ACVR2A: variants seen among roughly 807,000 people sequenced by gnomAD.
ACVR2A encodes activin A receptor type 2A.
ACVR2A carries 7 observed loss-of-function variants against 61.4 expected under a neutral mutation model. That is an observed-to-expected ratio of 0.11 (90% CI 0.06 to 0.21). The LOEUF (loss-of-function observed/expected upper bound fraction) is 0.21, where lower values mean the gene tolerates loss of function less well. Ranked by LOEUF, ACVR2A falls within the 10% of genes least tolerant of loss-of-function variation. ACVR2A has a pLI of 1.00. For missense variants in ACVR2A, 322 were observed against 621.7 expected, an observed-to-expected ratio of 0.52 and a Z score of 5.13; for synonymous variants, 193 against 208.3, an observed-to-expected ratio of 0.93 and a Z score of 0.63.
rs1048392379 is a variant in ACVR2A at position 147,929,117 on chromosome 2, C to T, written c.*1843C>T. Reference sequence around the variant, plus strand: ...GGGAGGAAAAGAAGAGTAATAGCGTCTGTGTGCTGCAGACCATTCAGAACT... The same window carrying T: ...GGGAGGAAAAGAAGAGTAATAGCGTTTGTGTGCTGCAGACCATTCAGAACT... On this transcript the variant is annotated 3_prime_UTR_variant, in exon 11 of 11. Transcript: ENST00000241416. 6.6e-6 allele frequency: 1 copy of T among 152,368 alleles called. No individual in the cohort carries two copies. The highest frequency in any genetic ancestry group is 6.6e-5 in the Admixed American group (1 of 15,210). The allele number at this position is 152,368 out of a possible 1,614,324, so 9.4% of individuals were successfully genotyped here. A position where few individuals can be genotyped will look rare whatever the true frequency, so the allele number is the denominator to read the frequency against.
chr2:147,878,320 C>T (rs749391603), intron 1 of ACVR2A, among the ~76,000 whole-genome samples: 13 of 152,156 alleles, frequency 8.5e-5, no homozygotes, highest in Non-Finnish European at 1.5e-4. Flanking sequence ...ATTCCTGCTA[C>T]TCTTCTTTTA....
chr2:147,888,717 C>G (rs1400211348), intron 1 of ACVR2A, among the ~76,000 whole-genome samples: 4 of 149,986 alleles, frequency 2.7e-5, no homozygotes, highest in South Asian at 4.2e-4. Context: ...TTCGGAATTC[C>G]TCCGTATACC....
intron 4 of ACVR2A, among the ~76,000 whole-genome samples, chr2:147,906,695 ATTAAC>A (rs1275660635): frequency 6.6e-6 from 1 of 152,164 alleles, no homozygotes; most frequent in African/African-American, 2.4e-5. Context: ...ATACTTTGAA[ATTAAC>A]TTGGTGTAAT....
rs1050087629 is a variant in ACVR2A at position 147,875,065 on chromosome 2, G to A, written c.56-21236G>A. Among the ~76,000 whole-genome samples the A allele has an allele frequency of 7.9e-5, 12 of 151,890 alleles. 1 individual carries two copies. Among genetic ancestry groups the A allele is most frequent in the Middle Eastern group, 3.4e-3 (1 of 294 alleles). On this transcript the variant is annotated intron_variant, in intron 1 of 10. Coordinates refer to ENST00000241416, the MANE Select transcript of ACVR2A (RefSeq NM_001616.5). ...TATTTTACTTGTGTAGAGGCGAAGC[G>A]GGATTATAGACGTTCAAACCAGATG... is the stretch of plus-strand genomic sequence containing the variant.
chr2:147,846,746 C>T (rs1202130090), intron 1 of ACVR2A, among the ~76,000 whole-genome samples: 1 of 152,188 alleles, frequency 6.6e-6, no homozygotes, highest in East Asian at 1.9e-4. Context: ...TGTGACATGA[C>T]TTAACCATGT....
chr2:147,903,263 TC>T (rs1424848607), intron 4 of ACVR2A, among the ~76,000 whole-genome samples: 2 of 151,462 alleles, frequency 1.3e-5, no homozygotes, highest in African/African-American at 4.8e-5. Flanking sequence ...TTTTTTTTTT[TC>T]ATAAGTCCTA....
At chr2:147,849,046 CA>C (rs1456296721) in intron 1 of ACVR2A, among the ~76,000 whole-genome samples, 1 of 152,024 alleles carries the variant, frequency 6.6e-6, no homozygotes, top group East Asian at 1.9e-4. Flanking sequence ...CACATTCTTT[CA>C]TCCTTGATGA....
chr2:147,864,529 C>G (rs919690652), intron 1 of ACVR2A, among the ~76,000 whole-genome samples: 2 of 152,004 alleles, frequency 1.3e-5, no homozygotes, highest in African/African-American at 4.8e-5. Flanking sequence ...CGTTCCTGGC[C>G]TGTTATTGTA....
At chr2:147,923,769 C>T (rs1190978830) in intron 9 of ACVR2A, among the ~76,000 whole-genome samples, 1 of 152,044 alleles carries the variant, frequency 6.6e-6, no homozygotes, top group African/African-American at 2.4e-5. Context: ...AACTTGCCGA[C>T]TGCTAAACTC....
At chr2:147,887,329 TA>T (rs1467939887) in intron 1 of ACVR2A, among the ~76,000 whole-genome samples, 1 of 152,234 alleles carries the variant, frequency 6.6e-6, no homozygotes, top group Non-Finnish European at 1.5e-5. Flanking sequence ...TACATCCAGA[TA>T]TTTTTTGATT....
chr2:147,923,181 C>A, intron 9 of ACVR2A, 70 bp downstream of exon 9: 1 of 1,466,112 alleles, frequency 6.8e-7, no homozygotes, highest in Non-Finnish European at 9.1e-7. Context: ...GGATGATACA[C>A]TCCAAGGTAA....
intron 1 of ACVR2A, among the ~76,000 whole-genome samples, chr2:147,881,028 T>C (rs1007752846): frequency 6.6e-6 from 1 of 152,166 alleles, no homozygotes; most frequent in African/African-American, 2.4e-5. Context: ...TTGGTTAAAA[T>C]GAGAAGAAAG....
At chr2:147,856,084 A>G (rs1278366411) in intron 1 of ACVR2A, among the ~76,000 whole-genome samples, 1 of 152,182 alleles carries the variant, frequency 6.6e-6, no homozygotes, top group Non-Finnish European at 1.5e-5. Context: ...TGAATACTTA[A>G]TACTTTAGGC....
At chr2:147,923,152 A>G in intron 9 of ACVR2A, 41 bp downstream of exon 9, 1 of 1,569,848 alleles carries the variant, frequency 6.4e-7, no homozygotes, top group Non-Finnish European at 8.6e-7. Context: ...ATATATGCCT[A>G]CCACACATAT....
At chr2:147,914,468 A>G (rs977560538) in intron 4 of ACVR2A, among the ~76,000 whole-genome samples, 3 of 151,966 alleles carry the variant, frequency 2.0e-5, no homozygotes, top group Admixed American at 6.6e-5. Flanking sequence ...TTCATTTACC[A>G]TATCCTGTTA....
At chr2:147,907,264 A>G (rs559638532) in intron 4 of ACVR2A, among the ~76,000 whole-genome samples, 1 of 152,044 alleles carries the variant, frequency 6.6e-6, no homozygotes, top group African/African-American at 2.4e-5. Flanking sequence ...GGTTGGTTCC[A>G]TGTCTTTGCT....
upstream of ACVR2A, chr2:147,844,527 A>T (rs1192625427): frequency 6.8e-6 from 1 of 147,500 alleles, no homozygotes; most frequent in African/African-American, 2.5e-5. Flanking sequence ...AGGAGACCGA[A>T]AACGCGGCCG....
chr2:147,867,920 A>G (rs996083618), intron 1 of ACVR2A, among the ~76,000 whole-genome samples: 1 of 152,084 alleles, frequency 6.6e-6, no homozygotes, highest in Non-Finnish European at 1.5e-5. Flanking sequence ...CTGATTTTGT[A>G]CTTCCTGCAA....
intron 4 of ACVR2A, among the ~76,000 whole-genome samples, chr2:147,901,035 G>A (rs920104700): frequency 3.9e-5 from 6 of 151,956 alleles, no homozygotes; most frequent in Non-Finnish European, 8.8e-5. Context: ...CGGTAATTAG[G>A]TAAACATTAT....
Sources: gnomAD v4.1 joint callset for allele counts (sites outside exome capture counted in the v4.1 genomes callset) on GRCh38, gnomAD v4.1.1 for gene constraint, MANE v1.5 for transcripts, NCBI Gene and HGNC (gene_info 2026-07-23, HGNC 2026-07-21) for gene names.